Variants in SLC2A7 observed in about 807,000 individuals in gnomAD.
The protein encoded by SLC2A7 is solute carrier family 2 member 7, also known as solute carrier family 2, facilitated glucose transporter member 7.
Under a neutral mutation model 50.5 loss-of-function variants are expected in SLC2A7, and 50 were observed. The ratio of observed to expected loss-of-function variants is 0.99; its 90% CI spans 0.79 to 1.25. The LOEUF is 1.25. SLC2A7 is among the 50% of genes most tolerant of loss of function. The probability of loss-of-function intolerance (pLI) is 0.00; values close to 1 mark genes in which losing one functional copy is unlikely to be tolerated. For missense variants in SLC2A7, 683 were observed against 679.1 expected (o/e 1.01, Z -0.06); for synonymous variants, 308 against 300.4 (o/e 1.03, Z -0.26).
At chr1:9,017,676 TA>T (rs1640850444) in intron 5 of SLC2A7, among the ~76,000 whole-genome samples, 2 of 152,356 alleles carry the variant, frequency 1.3e-5, no homozygotes, top group Admixed American at 6.5e-5. Context: ...CCTTTTCTAT[TA>T]ATCAATCGGC....
At chr1:9,000,945 G>A (rs765769186), downstream of SLC2A7, among the ~76,000 whole-genome samples, 27 of 152,166 alleles carry the variant, frequency 1.8e-4, no homozygotes, top group Non-Finnish European at 1.0e-4. Context: ...TCCAGCTGAA[G>A]CCCCAGATGT....
chr1:9,025,542 G>T (rs1049108329), intron 1 of SLC2A7, among the ~76,000 whole-genome samples: 3 of 152,194 alleles, frequency 2.0e-5, no homozygotes, highest in Non-Finnish European at 4.4e-5. Flanking sequence ...GGTGGGCAGG[G>T]CAGGGAAGGC....
At chr1:9,013,482 G>A (rs766795792) in intron 8 of SLC2A7, 43 bp downstream of exon 8, 11 of 1,574,106 alleles carry the variant, frequency 7.0e-6, no homozygotes, top group Non-Finnish European at 9.6e-6. Context: ...GCGGCACCTG[G>A]CCAGAGACCC....
chr1:9,025,119 T>A (rs1557654568), intron 1 of SLC2A7, 45 bp from the exon 2 acceptor site: 1 of 1,594,854 alleles, frequency 6.3e-7, no homozygotes. Flanking sequence ...GGCTTGGGCC[T>A]CGGGAAGTGG....
rs1257745321 is a variant in SLC2A7 at position 9,026,310 on chromosome 1, A to G, written c.36T>C (p.Ile12=). ...TGGCACTTACCCCCTCCCTGGATGG[A>G]ATGGGTGGAGGGGTTCCCGCCTCTT... The part of the protein sequence containing the change: ...ENKEAGTPPP[I]PSREGRLQPT... Residue 12 remains isoleucine (I), a synonymous_variant, in exon 1 of 12, where the codon ATT becomes ATC. Coordinates refer to ENST00000400906, the MANE Select transcript of SLC2A7 (RefSeq NM_207420.3). 7.5e-6 allele frequency: 12 copies of G among 1,609,630 alleles called. No individual in the cohort carries two copies. Among genetic ancestry groups the G allele is most frequent in the Non-Finnish European group, 1.0e-5 (12 of 1,177,950 alleles).
chr1:9,018,021 G>A (rs1279833500), intron 5 of SLC2A7, among the ~76,000 whole-genome samples: 2 of 151,900 alleles, frequency 1.3e-5, no homozygotes, highest in African/African-American at 2.4e-5. Context: ...CTCAGAGCCC[G>A]ATTCCCATTC....
intron 3 of SLC2A7, among the ~76,000 whole-genome samples, chr1:9,021,138 T>G (rs1158486666): frequency 1.3e-5 from 2 of 152,194 alleles, no homozygotes; most frequent in Non-Finnish European, 2.9e-5. Flanking sequence ...GCTTCCCAAG[T>G]AGCTGGGATT....
chr1:9,014,772 A>C lies in SLC2A7; in HGVS notation c.812T>G (p.Val271Gly). 1.3e-6 allele frequency: 2 copies of C among 1,597,780 alleles called. No homozygotes were observed. Among genetic ancestry groups the C allele is most frequent in the Non-Finnish European group, 8.5e-7 (1 of 1,172,940 alleles). ...GGACCGCAGGGCACAGAGGTGCAGC[A>C]CAGACAGGTGGCCCTCGGCGCGCTC... ...RAERAEGHLS[V>G]LHLCALRSLR... The change falls in exon 7 of 12, where the codon GTG becomes GGG. Residue 271 changes from valine (V) to glycine (G), a missense_variant. By Grantham distance (109) the Val-to-Gly change is moderately radical. Transcript: ENST00000400906.
intron 10 of SLC2A7, among the ~76,000 whole-genome samples, chr1:9,006,207 C>T (rs1020528848): frequency 1.3e-5 from 2 of 152,208 alleles, no homozygotes; most frequent in African/African-American, 4.8e-5. Flanking sequence ...GGTTCTGCTG[C>T]CTCCACGTTT....
Position 9,010,136 on chromosome 1 carries a change from G to C in SLC2A7, c.1116+7C>G. 2.6e-6 allele frequency: 4 copies of C among 1,551,982 alleles called. No homozygotes were observed. The highest frequency in any genetic ancestry group is 3.5e-6 in the Non-Finnish European group (4 of 1,147,118). ...CCCCACCCAGGGGGCAGGAAATGAGGTCAGACCTGGAATAGGAGCACCACC... is the reference window on the plus strand; with the variant it reads ...CCCCACCCAGGGGGCAGGAAATGAGCTCAGACCTGGAATAGGAGCACCACC... On this transcript the variant is annotated splice_region_variant and intron_variant, in intron 9 of 11. Transcript: ENST00000400906.
chr1:9,002,810 C>T (rs367807685), downstream of SLC2A7, among the ~76,000 whole-genome samples: 7 of 152,324 alleles, frequency 4.6e-5, no homozygotes, highest in African/African-American at 1.7e-4. Flanking sequence ...CCCCCTTCAC[C>T]CTGTGATCGA....
At position 9,018,216 on chromosome 1, in the gene SLC2A7, C is replaced by T. The variant is rs201056436; in HGVS notation, c.589+7G>A. The T allele has an allele frequency of 3.3e-5, 53 of 1,614,008 alleles. 1 individual carries two copies. In the Middle Eastern group the frequency reaches 6.6e-4, roughly 20 times the overall value. ...GACCTAGCGTGACCTCTGCGGCTGC[C>T]GGTTACCTGCCGGGTTGCCCAAGAT... is the stretch of plus-strand genomic sequence containing the variant. On this transcript the variant is annotated splice_region_variant and intron_variant, in intron 5 of 11. Coordinates refer to ENST00000400906, the MANE Select transcript of SLC2A7 (RefSeq NM_207420.3).
Position 9,008,842 on chromosome 1 carries a change from C to T in SLC2A7, c.1116+1301G>A, listed in dbSNP as rs549185138. Among the ~76,000 whole-genome samples, 6 of 152,306 alleles carry T rather than the reference C, an allele frequency of 3.9e-5. No individual in the cohort carries two copies. Among genetic ancestry groups the T allele is most frequent in the South Asian group, 2.1e-4 (1 of 4,816 alleles). On this transcript the variant is annotated intron_variant, in intron 9 of 11. Coordinates refer to ENST00000400906, the MANE Select transcript of SLC2A7 (RefSeq NM_207420.3). The surrounding 1 kb of genome is among the most constrained non-coding windows in gnomAD (Gnocchi z 5.9). ...AACTCCTGACCTCAGGTGATCCACC[C>T]GCTTTGGCTTCCCAAAGTGCTGGGA...
chr1:9,015,303 T>C, intron 5 of SLC2A7, 61 bp from the exon 6 acceptor site: 1 of 1,495,270 alleles, frequency 6.7e-7, no homozygotes, highest in Non-Finnish European at 8.8e-7. Context: ...CACCTACCAC[T>C]GTGCTCGGAA....
chr1:8,998,118 C>T, downstream of SLC2A7, among the ~76,000 whole-genome samples: 1 of 152,072 alleles, frequency 6.6e-6, no homozygotes, highest in Non-Finnish European at 1.5e-5. Context: ...AATCAGTTGT[C>T]TGAGGCCAGG....
chr1:9,003,251 T>A lies in SLC2A7; in HGVS notation c.*49A>T. On this transcript the variant is annotated 3_prime_UTR_variant, in exon 12 of 12. Coordinates refer to ENST00000400906, the MANE Select transcript of SLC2A7 (RefSeq NM_207420.3). ...GAGCCTGGGGCCGGGAGGCCCATTG[T>A]CATAGAAGGAAGCCTTGAATATGGG... The A allele has an allele frequency of 1.3e-6, 2 of 1,585,806 alleles. No homozygotes were observed. The highest frequency in any genetic ancestry group is 1.7e-6 in the Non-Finnish European group (2 of 1,158,382).
At chr1:9,007,499 G>A in intron 9 of SLC2A7, 114 bp from the exon 10 acceptor site, 1 of 939,432 alleles carries the variant, frequency 1.1e-6, no homozygotes, top group Non-Finnish European at 1.6e-6. Flanking sequence ...AGATGTCTGG[G>A]CACCTCCATG....
chr1:9,003,557 A>G, intron 11 of SLC2A7, 39 bp from the exon 12 acceptor site: 2 of 1,577,846 alleles, frequency 1.3e-6, no homozygotes, highest in Non-Finnish European at 1.7e-6. Flanking sequence ...GGGGCAGAGA[A>G]AGGCAACAGT....
In SLC2A7 at chr1:9,020,673, C is replaced by CTTTTTTT. The variant is rs201609038; in HGVS notation, c.312-1341_312-1340insAAAAAAA. Among the ~76,000 whole-genome samples the CTTTTTTT allele has an allele frequency of 1.4e-5, 2 of 138,346 alleles. 1 individual carries two copies. 90.8% of individuals were successfully genotyped at this position (138,346 alleles called of 152,430 possible). A position where few individuals can be genotyped will look rare whatever the true frequency, so the allele number is the denominator to read the frequency against. On this transcript the variant is annotated intron_variant, in intron 3 of 11. Transcript: ENST00000400906. ...GCTGGCTGGTGCATCCTGATATTCT[C>CTTTTTTT]TCTTTTTTTTTTTTTTGAGATGGAG...
Sources: gnomAD v4.1 joint callset for allele counts (sites outside exome capture counted in the v4.1 genomes callset) on GRCh38, gnomAD v4.1.1 for gene constraint, Gnocchi (gnomAD v3.1) non-coding constraint, MANE v1.5 for transcripts, NCBI Gene and HGNC (gene_info 2026-07-23, HGNC 2026-07-21) for gene names.